Variants in AP2A2 observed in about 807,000 individuals in gnomAD.
AP2A2 encodes adaptor related protein complex 2 subunit alpha 2, also known as AP-2 complex subunit alpha-2.
A neutral mutation model predicts 104.2 loss-of-function variants in AP2A2; 32 were observed. The observed-to-expected ratio is 0.31, with a 90% CI of 0.23 to 0.41. AP2A2 has a LOEUF of 0.41. Ranked by LOEUF, AP2A2 falls within the 10% of genes least tolerant of loss-of-function variation. The probability of loss-of-function intolerance (pLI) is 1.00; values close to 1 mark genes in which losing one functional copy is unlikely to be tolerated. For missense variants in AP2A2, 912 were observed against 1,261.0 expected (o/e 0.72, Z 4.19); for synonymous variants, 539 against 533.3 (o/e 1.01, Z -0.15).
chr11:1,003,882 C>T, intron 16 of AP2A2, 78 bp downstream of exon 16: 1 of 926,634 alleles, frequency 1.1e-6, no homozygotes, highest in Non-Finnish European at 1.6e-6. Flanking sequence ...AAATCATATA[C>T]TTATAAGGGA....
chr11:963,443 A>C (rs1245508471), intron 2 of AP2A2, among the ~76,000 whole-genome samples: 2 of 152,120 alleles, frequency 1.3e-5, no homozygotes, highest in South Asian at 2.1e-4. Context: ...AAAACTAAAA[A>C]AAAAACAAGG....
intron 1 of AP2A2, chr11:948,291 A>G (rs141946793): frequency 1.3e-5 from 2 of 152,368 alleles, no homozygotes; most frequent in African/African-American, 4.8e-5. Context: ...CCTTACAGAA[A>G]TAAAAAGGAT....
chr11:1,009,944 C>T, intron 21 of AP2A2, 127 bp downstream of exon 21: 1 of 1,226,656 alleles, frequency 8.2e-7, no homozygotes, highest in South Asian at 1.5e-5. Context: ...TAACCACCAC[C>T]CTGTCAATAC....
chr11:955,305 A>G (rs2134545458), intron 1 of AP2A2, among the ~76,000 whole-genome samples: 1 of 152,342 alleles, frequency 6.6e-6, no homozygotes, highest in East Asian at 1.9e-4. Flanking sequence ...TTTGTGTGGC[A>G]GAAGCTCCCA....
chr11:933,489 G>A, intron 1 of AP2A2: 1 of 454,520 alleles, frequency 2.2e-6, no homozygotes, highest in Non-Finnish European at 4.4e-6. Context: ...GATAGGTTGA[G>A]GTGGGTGTTC....
At position 992,635 on chromosome 11, in the gene AP2A2, G is replaced by A. The variant is rs758869333; in HGVS notation, c.1402G>A (p.Val468Ile). The A allele has an allele frequency of 3.1e-6, 5 of 1,613,848 alleles. No individual in the cohort carries two copies. The highest frequency in any genetic ancestry group is 1.3e-5 in the African/African-American group (1 of 74,926). The change falls in exon 11 of 22, where the codon GTC becomes ATC. Residue 468 changes from valine to isoleucine, a missense_variant. Physicochemically the swap from Val to Ile is conservative, Grantham distance 29. Around this residue, in one of 7 missense-constraint regions of AP2A2, gnomAD observed 21 missense variants for 62.0 expected, o/e 0.34. Transcript: ENST00000448903. This position sits in a 1 kb window ranked among gnomAD's most constrained non-coding sequence, Gnocchi z 6.4. ...EEVWYRVIQIVINRDDVQGYA... is the reference protein window; with the variant it reads ...EEVWYRVIQIIINRDDVQGYA... Reference sequence around the variant, plus strand: ...GGTGTGGTACCGAGTCATTCAGATCGTCATCAACCGGGACGACGTGCAGGG... The same window carrying A: ...GGTGTGGTACCGAGTCATTCAGATCATCATCAACCGGGACGACGTGCAGGG...
chr11:935,891 G>A (rs1193690885), intron 1 of AP2A2, among the ~76,000 whole-genome samples: 9 of 150,766 alleles, frequency 6.0e-5, no homozygotes, highest in Non-Finnish European at 8.9e-5. Flanking sequence ...CACTGCGCCC[G>A]GCCTATTCCT....
At chr11:1,005,811 A>C (rs2133784344) in intron 16 of AP2A2, among the ~76,000 whole-genome samples, 1 of 152,360 alleles carries the variant, frequency 6.6e-6, no homozygotes, top group Middle Eastern at 3.4e-3. Flanking sequence ...CTGGGCCGTG[A>C]TAGCTTCACG....
At chr11:950,591 A>G (rs1420643112) in intron 1 of AP2A2, among the ~76,000 whole-genome samples, 4 of 152,036 alleles carry the variant, frequency 2.6e-5, no homozygotes, top group Non-Finnish European at 5.9e-5. Flanking sequence ...CCGGTCTGGA[A>G]TATGATTTCC....
chr11:988,540 C>G lies in AP2A2; in HGVS notation c.1132-12C>G. ...GCTCCTGCGACCTCTTACTCTGTGC[C>G]TTGTTCCCCAGACTGAGCGGGACGT... On this transcript the variant is annotated splice_polypyrimidine_tract_variant and intron_variant, in intron 9 of 21. Transcript: ENST00000448903. 1 of 1,609,088 alleles carries G rather than the reference C, an allele frequency of 6.2e-7. No homozygotes were observed. Among genetic ancestry groups the G allele is most frequent in the South Asian group, 1.1e-5 (1 of 91,056 alleles).
Position 993,313 on chromosome 11 carries a change from C to T in AP2A2, c.1482C>T (p.Asn494=). 1 of 1,612,004 alleles carries T rather than the reference C, an allele frequency of 6.2e-7. No homozygotes were observed. Among genetic ancestry groups the T allele is most frequent in the Non-Finnish European group, 8.5e-7 (1 of 1,179,360 alleles). The part of the protein sequence containing the change: ...EALQAPACHE[N]LVKVGGYILG... ...TTCAGGCTCCCGCGTGCCACGAGAACCTGGTCAAAGTGGGCGGCTACATCC... is the reference window on the plus strand; with the variant it reads ...TTCAGGCTCCCGCGTGCCACGAGAATCTGGTCAAAGTGGGCGGCTACATCC... The change falls in exon 12 of 22, where the codon AAC becomes AAT. Residue 494 remains asparagine, a synonymous_variant. Transcript: ENST00000448903. The surrounding 1 kb of genome is among the most constrained non-coding windows in gnomAD (Gnocchi z 8.2).
chr11:961,816 G>C (rs1203085065), intron 2 of AP2A2, among the ~76,000 whole-genome samples: 1 of 145,686 alleles, frequency 6.9e-6, no homozygotes, highest in South Asian at 2.2e-4. Context: ...CGCCACGAGT[G>C]AAAAGTAAAG....
intron 2 of AP2A2, among the ~76,000 whole-genome samples, chr11:969,541 T>A (rs1854747927): frequency 6.6e-6 from 1 of 152,132 alleles, no homozygotes; most frequent in East Asian, 1.9e-4. Context: ...TGGCCCTTTT[T>A]TTAAGGGTTG....
intron 8 of AP2A2, among the ~76,000 whole-genome samples, chr11:985,842 A>G (rs1855436606): frequency 6.6e-6 from 1 of 151,742 alleles, no homozygotes. Context: ...GAGCATCCCC[A>G]CTCCTGACTG....
At chr11:997,671 G>A (rs1855897152) in intron 14 of AP2A2, among the ~76,000 whole-genome samples, 1 of 152,226 alleles carries the variant, frequency 6.6e-6, no homozygotes. Flanking sequence ...TTGGGAGGCT[G>A]AGGTGGGCGG....
intron 6 of AP2A2, 52 bp downstream of exon 6, chr11:981,351 T>G (rs1013484448): frequency 1.2e-5 from 17 of 1,390,502 alleles, no homozygotes; most frequent in Non-Finnish European, 1.7e-5. Flanking sequence ...GTCTTAGTTA[T>G]TTATTTATTA....
intron 1 of AP2A2, among the ~76,000 whole-genome samples, chr11:940,253 C>T (rs565854748): frequency 1.5e-4 from 23 of 152,230 alleles, no homozygotes; most frequent in Non-Finnish European, 2.2e-4. Context: ...TGCGCCGGCC[C>T]GTGTCTGAAA....
chr11:945,129 G>A (rs555243161), intron 1 of AP2A2, among the ~76,000 whole-genome samples: 7 of 152,196 alleles, frequency 4.6e-5, no homozygotes, highest in East Asian at 3.9e-4. Context: ...AGGGTGGGCA[G>A]TCCCGTGTGC....
chr11:1,010,451 C>CCAG, intron 21 of AP2A2, 97 bp from the exon 22 acceptor site: 1 of 985,738 alleles, frequency 1.0e-6, no homozygotes, highest in African/African-American at 1.6e-5. Context: ...AGAGTGGTCC[C>CCAG]TGGGCATGGC....
Sources: allele counts gnomAD v4.1 joint callset (sites outside exome capture counted in the v4.1 genomes callset), GRCh38; gene constraint gnomAD v4.1.1; regional missense constraint gnomAD v4.1.1; non-coding constraint Gnocchi (gnomAD v3.1); transcripts MANE v1.5; gene names NCBI Gene and HGNC (gene_info 2026-07-23, HGNC 2026-07-21).